The following NTN1 variants were observed in gnomAD, a reference collection of about 807,000 sequenced individuals.
NTN1 encodes netrin 1.
Under a neutral mutation model 54.2 loss-of-function variants are expected in NTN1, and 11 were observed. The ratio of observed to expected loss-of-function variants is 0.20; its 90% CI spans 0.13 to 0.34. The LOEUF (loss-of-function observed/expected upper bound fraction) is 0.34, where lower values mean the gene tolerates loss of function less well. NTN1 is among the 10% of genes least tolerant of loss of function. The pLI, the probability that NTN1 is intolerant of heterozygous loss-of-function variation, is 1.00. For synonymous variants in NTN1, 371 were observed against 382.0 expected (o/e 0.97, Z 0.33); for missense variants, 740 against 893.1 (o/e 0.83, Z 2.18).
At chr17:9,129,371 G>A (rs932397699) in intron 2 of NTN1, among the ~76,000 whole-genome samples, 10 of 152,088 alleles carry the variant, frequency 6.6e-5, no homozygotes, top group South Asian at 2.1e-4. Context: ...GAGCTGGAGC[G>A]GCTGAGCTGC....
chr17:9,061,939 G>C (rs530792750), intron 2 of NTN1, among the ~76,000 whole-genome samples: 1 of 152,180 alleles, frequency 6.6e-6, no homozygotes, highest in East Asian at 1.9e-4. Context: ...TCCTGACCTC[G>C]TGATGCGCCT....
intron 2 of NTN1, among the ~76,000 whole-genome samples, chr17:9,078,472 C>T (rs74713576): frequency 6.6e-6 from 1 of 152,326 alleles, no homozygotes; most frequent in African/African-American, 2.4e-5. Flanking sequence ...TCTCTGGCTC[C>T]CGACTGCATT....
chr17:9,053,116 C>T (rs1160672753), intron 2 of NTN1, among the ~76,000 whole-genome samples: 1 of 152,192 alleles, frequency 6.6e-6, no homozygotes, highest in East Asian at 1.9e-4. Flanking sequence ...TAAATAAACT[C>T]TTATTGGAAC....
rs1189788119 is a variant in NTN1, at chr17:9,160,074, C to T, written c.1019-2739C>T. ...TTCCAACTCCAAGAGGCCCACTATG[C>T]ATAGCCATGCAACACAGTGCCAGAG... On this transcript the variant is annotated intron_variant, in intron 2 of 6. Transcript: ENST00000173229. 6.6e-5 allele frequency among the ~76,000 whole-genome samples: 10 copies of T among 152,278 alleles called. No individual in the cohort carries two copies. The South Asian group carries it at 2.1e-3, about 32-fold the overall frequency.
intron 5 of NTN1, among the ~76,000 whole-genome samples, chr17:9,184,671 C>T (rs1480465409): frequency 6.6e-6 from 1 of 152,208 alleles, no homozygotes; most frequent in East Asian, 1.9e-4. Context: ...CTTTGTCTCT[C>T]ACTCCCCCCA....
At position 9,189,540 on chromosome 17, in the gene NTN1, C is replaced by T. The variant is rs149227637; in HGVS notation, c.1411+6571C>T. 5.8e-3 allele frequency among the ~76,000 whole-genome samples: 885 copies of T among 152,058 alleles called. 8 individuals are homozygous for T. Among genetic ancestry groups the T allele is most frequent in the African/African-American group, 0.02 (825 of 41,488 alleles). ...CTAATTTTTGTATTTTTAGTAGAGA[C>T]GGGGTTTCACCATGTTGGCCAGGCT... On this transcript the variant is annotated intron_variant, in intron 5 of 6. Coordinates refer to ENST00000173229, the MANE Select transcript of NTN1 (RefSeq NM_004822.3).
chr17:9,159,017 A>T (rs2092350719), intron 2 of NTN1, among the ~76,000 whole-genome samples: 1 of 152,242 alleles, frequency 6.6e-6, no homozygotes, highest in Admixed American at 6.5e-5. Flanking sequence ...CTCTAGGAAG[A>T]GCACTTAAAG....
At chr17:9,099,392 C>T (rs183565308) in intron 2 of NTN1, among the ~76,000 whole-genome samples, 124 of 152,156 alleles carry the variant, frequency 8.1e-4, no homozygotes, top group African/African-American at 2.9e-3. Flanking sequence ...GCAACAAGAG[C>T]GAAACTCTGT....
At chr17:9,137,628 A>G (rs146104056) in intron 2 of NTN1, among the ~76,000 whole-genome samples, 2,218 of 152,214 alleles carry the variant, frequency 0.015, 52 homozygotes, top group African/African-American at 0.05. Context: ...CCCTGTCTCT[A>G]CTAAAAATAC....
chr17:9,221,373 G>A lies in NTN1; in HGVS notation c.1486+131G>A, dbSNP rs533721467. 5.0e-5 allele frequency: 36 copies of A among 723,562 alleles called. 1 individual carries two copies. The highest frequency in any genetic ancestry group is 2.6e-4 in the South Asian group (17 of 64,694). 44.8% of individuals were successfully genotyped at this position (723,562 alleles called of 1,614,324 possible). A position where few individuals can be genotyped will look rare whatever the true frequency, so the allele number is the denominator to read the frequency against. ...ACCCTGTGACCGATGGGAACTAGCC[G>A]GACGGATCCCACGCCTGGGAATTTC... On this transcript the variant is annotated intron_variant, in intron 6 of 6. Coordinates refer to ENST00000173229, the MANE Select transcript of NTN1 (RefSeq NM_004822.3). This position sits in a 1 kb window ranked among gnomAD's most constrained non-coding sequence, Gnocchi z 4.5.
intron 6 of NTN1, among the ~76,000 whole-genome samples, chr17:9,230,041 G>A (rs1324728641): frequency 7.4e-6 from 1 of 134,352 alleles, no homozygotes; most frequent in African/African-American, 3.0e-5. Flanking sequence ...CAGGGACACG[G>A]GGCCTCTCAG....
In NTN1 at chr17:9,029,575, C is replaced by G. The variant is rs559301518; in HGVS notation, c.1018+6184C>G. Among the ~76,000 whole-genome samples the G allele has an allele frequency of 2.6e-5, 4 of 152,364 alleles. No individual in the cohort carries two copies. In the East Asian group the frequency reaches 7.7e-4, roughly 29 times the overall value. ...ATACAGACGTTCACCTCAAAGATATCTGCTCTCATGAGGTTTGACTTGCGT... is the reference window on the plus strand; with the variant it reads ...ATACAGACGTTCACCTCAAAGATATGTGCTCTCATGAGGTTTGACTTGCGT... On this transcript the variant is annotated intron_variant, in intron 2 of 6. Transcript: ENST00000173229.
intron 6 of NTN1, among the ~76,000 whole-genome samples, chr17:9,227,172 G>GGCACACATACCACACACGCAT: frequency 6.6e-6 from 1 of 152,052 alleles, no homozygotes; most frequent in Non-Finnish European, 1.5e-5. Flanking sequence ...ACCACTCACA[G>GGCACACATACCACACACGCAT]GCACACATAC....
chr17:9,111,163 C>G (rs2092189148), intron 2 of NTN1, among the ~76,000 whole-genome samples: 1 of 152,062 alleles, frequency 6.6e-6, no homozygotes, highest in African/African-American at 2.4e-5. Context: ...GTCTCGATCT[C>G]CTGATCTCGT....
In NTN1 at chr17:9,023,078, G is replaced by T. The variant is rs1245521526; in HGVS notation, c.705G>T (p.Ser235=). 3.8e-6 allele frequency: 6 copies of T among 1,573,458 alleles called. No homozygotes were observed. Among genetic ancestry groups the T allele is most frequent in the Non-Finnish European group, 4.3e-6 (5 of 1,160,932 alleles). The change falls in exon 2 of 7, where the codon TCG becomes TCT. Residue 235 remains serine (S), a synonymous_variant. Coordinates refer to ENST00000173229, the MANE Select transcript of NTN1 (RefSeq NM_004822.3). ...GRPSAHDFDN[S]PVLQDWVTAT... ...CCTCGGCGCACGACTTCGACAACTC[G>T]CCCGTGCTGCAGGACTGGGTCACGG...
chr17:9,239,175 GAGGCTGGTTGGAGGGCC>G lies in NTN1; in HGVS notation c.1487-458_1487-442del, dbSNP rs993290656. On this transcript the variant is annotated intron_variant, in intron 6 of 6. Transcript: ENST00000173229. The surrounding 1 kb of genome is among the most constrained non-coding windows in gnomAD (Gnocchi z 5.2). ...CATTGAGGACCCATTATGGTTTTCT[GAGGCTGGTTGGAGGGCC>G]AGGCTGTGTGTGGAGTGTCATGAGG... Among the ~76,000 whole-genome samples the G allele has an allele frequency of 3.3e-5, 5 of 152,200 alleles. No individual in the cohort carries two copies. Among genetic ancestry groups the G allele is most frequent in the African/African-American group, 1.2e-4 (5 of 41,446 alleles).
At chr17:9,190,933 C>T (rs1162935844) in intron 5 of NTN1, among the ~76,000 whole-genome samples, 1 of 151,836 alleles carries the variant, frequency 6.6e-6, no homozygotes, top group Non-Finnish European at 1.5e-5. Flanking sequence ...TGAGTCAGTG[C>T]AGAAAAGAAT....
rs563412054 is a variant in NTN1 at position 9,085,790 on chromosome 17, G to A, written c.1018+62399G>A. Reference sequence around the variant, plus strand: ...ATCAGCGAATAGGTTTTGAGCACCTGCTATGTGCCAGGAGCATTCAAGGCG... The same window carrying A: ...ATCAGCGAATAGGTTTTGAGCACCTACTATGTGCCAGGAGCATTCAAGGCG... On this transcript the variant is annotated intron_variant, in intron 2 of 6. Coordinates refer to ENST00000173229, the MANE Select transcript of NTN1 (RefSeq NM_004822.3). 5.3e-5 allele frequency among the ~76,000 whole-genome samples: 8 copies of A among 152,280 alleles called. No individual in the cohort carries two copies. The South Asian group carries it at 1.7e-3, about 32-fold the overall frequency.
At chr17:9,055,716 C>A (rs535189484) in intron 2 of NTN1, among the ~76,000 whole-genome samples, 80 of 151,920 alleles carry the variant, frequency 5.3e-4, no homozygotes, top group South Asian at 4.0e-3. Flanking sequence ...AGGCAGACAT[C>A]TTTTTTTTAA....
Sources: allele counts gnomAD v4.1 joint callset (sites outside exome capture counted in the v4.1 genomes callset), GRCh38; gene constraint gnomAD v4.1.1; non-coding constraint Gnocchi (gnomAD v3.1); transcripts MANE v1.5; gene names NCBI Gene and HGNC (gene_info 2026-07-23, HGNC 2026-07-21).